DOCK2: variants seen among roughly 807,000 people sequenced by gnomAD.
The protein encoded by DOCK2 is dedicator of cytokinesis protein 2.
Under a neutral mutation model 248.9 loss-of-function variants are expected in DOCK2, and 87 were observed. That is an observed-to-expected ratio of 0.35 (90% confidence interval 0.29 to 0.42). The LOEUF is 0.42. Among genes scored for constraint, DOCK2 ranks in the 10% least tolerant of loss-of-function variants. The probability of loss-of-function intolerance (pLI) is 1.00; values close to 1 mark genes in which losing one functional copy is unlikely to be tolerated. For missense variants in DOCK2, 1,747 were observed against 2,300.2 expected, an observed-to-expected ratio of 0.76 and a Z score of 4.92; for synonymous variants, 805 against 821.6, an observed-to-expected ratio of 0.98 and a Z score of 0.35.
intron 27 of DOCK2, among the ~76,000 whole-genome samples, chr5:169,845,394 C>G (rs1285932364): frequency 6.6e-6 from 1 of 152,016 alleles, no homozygotes; most frequent in Non-Finnish European, 1.5e-5. Flanking sequence ...TAGGCTCTCC[C>G]CACATTTAGT....
At chr5:169,960,731 G>A (rs530719093) in intron 27 of DOCK2, among the ~76,000 whole-genome samples, 2 of 152,108 alleles carry the variant, frequency 1.3e-5, no homozygotes, top group Non-Finnish European at 2.9e-5. Context: ...TTTGTTACTT[G>A]CAGTTAATTG....
chr5:169,689,722 T>A (rs576690276), intron 9 of DOCK2, among the ~76,000 whole-genome samples: 1 of 152,302 alleles, frequency 6.6e-6, no homozygotes, highest in African/African-American at 2.4e-5. Context: ...TTCTGAAAAA[T>A]CTTTCTAAAA....
chr5:169,980,168 T>A (rs1418425672), intron 27 of DOCK2: 1 of 152,098 alleles, frequency 6.6e-6, no homozygotes, highest in Non-Finnish European at 1.5e-5. Context: ...CCAGTCTCAC[T>A]GTTGATTTAA....
At position 170,036,607 on chromosome 5, in the gene DOCK2, A is replaced by G. The variant is rs190209759; in HGVS notation, c.3665+52A>G. On this transcript the variant is annotated intron_variant, in intron 36 of 51. Coordinates refer to ENST00000520908, the MANE Select transcript of DOCK2 (RefSeq NM_004946.3). ...GACCTGCTGTGTCACTTTCCTGCTC[A>G]GTATCCATCGATGGCTCCCTGCTGC... The G allele has an allele frequency of 1.4e-3, 2,206 of 1,576,004 alleles. 26 individuals are homozygous for G. The highest frequency in any genetic ancestry group is 1.9e-4 in the Non-Finnish European group (221 of 1,151,884).
At chr5:169,828,774 C>T (rs1769038120) in intron 26 of DOCK2, among the ~76,000 whole-genome samples, 1 of 152,184 alleles carries the variant, frequency 6.6e-6, no homozygotes, top group Non-Finnish European at 1.5e-5. Context: ...AGAATCTCTC[C>T]TTTCTCTCTG....
intron 9 of DOCK2, among the ~76,000 whole-genome samples, chr5:169,692,219 G>A (rs1760346453): frequency 6.6e-6 from 1 of 152,142 alleles, no homozygotes; most frequent in Non-Finnish European, 1.5e-5. Context: ...CATATACTAC[G>A]AGGTTCCCTA....
chr5:170,053,139 C>G (rs1254369715), intron 41 of DOCK2, among the ~76,000 whole-genome samples: 1 of 152,254 alleles, frequency 6.6e-6, no homozygotes, highest in African/African-American at 2.4e-5. Flanking sequence ...GCATAACAAC[C>G]TCACCAGCCA....
intron 22 of DOCK2, among the ~76,000 whole-genome samples, chr5:169,722,957 G>A (rs564948544): frequency 2.6e-5 from 4 of 152,180 alleles, no homozygotes; most frequent in African/African-American, 4.8e-5. Flanking sequence ...AGGAATTCAC[G>A]CTGGTCTACT....
chr5:169,785,770 A>G (rs1322680690), intron 25 of DOCK2, among the ~76,000 whole-genome samples: 1 of 151,958 alleles, frequency 6.6e-6, no homozygotes, highest in Non-Finnish European at 1.5e-5. Context: ...GCCACACACA[A>G]CTCATTCATG....
rs953911576 is a variant in DOCK2, at chr5:170,047,539, C to T, written c.3996C>T (p.Ile1332=). 1 of 1,613,748 alleles carries T rather than the reference C, an allele frequency of 6.2e-7. No homozygotes were observed. The highest frequency in any genetic ancestry group is 1.3e-5 in the African/African-American group (1 of 75,034). The change falls in exon 40 of 52, where the codon ATC becomes ATT. Residue 1332 remains isoleucine (I), a synonymous_variant. Coordinates refer to ENST00000520908, the MANE Select transcript of DOCK2 (RefSeq NM_004946.3). ...LIQQAKFYES[I]MKILRPKPDY... ...AGCAGGCAAAATTCTATGAAAGCATCATGAAAATCCTCAGGCCCAAACCAG... is the reference window on the plus strand; with the variant it reads ...AGCAGGCAAAATTCTATGAAAGCATTATGAAAATCCTCAGGCCCAAACCAG...
intron 42 of DOCK2, 79 bp from the exon 43 acceptor site, chr5:170,056,605 C>T (rs1353906968): frequency 1.6e-6 from 2 of 1,228,944 alleles, no homozygotes; most frequent in Middle Eastern, 2.1e-4. Flanking sequence ...AATGAACCTC[C>T]CTGGACAGTG....
intron 1 of DOCK2, among the ~76,000 whole-genome samples, chr5:169,638,328 G>A (rs559587323): frequency 6.6e-6 from 1 of 152,222 alleles, no homozygotes; most frequent in East Asian, 1.9e-4. Flanking sequence ...TGGGTACCGG[G>A]CACTGTGGGG....
At chr5:169,926,254 C>T (rs556958762) in intron 27 of DOCK2, among the ~76,000 whole-genome samples, 17 of 152,330 alleles carry the variant, frequency 1.1e-4, no homozygotes, top group Non-Finnish European at 1.9e-4. Context: ...GATTGTCTCT[C>T]ACCTGCCACC....
chr5:170,062,531 T>A (rs1354074429), intron 44 of DOCK2, among the ~76,000 whole-genome samples: 1 of 152,126 alleles, frequency 6.6e-6, no homozygotes, highest in Non-Finnish European at 1.5e-5. Flanking sequence ...CCAGTACTCA[T>A]CTTCTCTCCC....
chr5:169,909,901 T>A lies in DOCK2; in HGVS notation c.2799+69049T>A, dbSNP rs529040643. On this transcript the variant is annotated intron_variant, in intron 27 of 51. Transcript: ENST00000520908. ...CACTGAGTTGTTTACTTGGGGCTAA[T>A]CCTCTCTTTTCTTCTCAGTCCCACA... 1.2e-4 allele frequency among the ~76,000 whole-genome samples: 19 copies of A among 152,320 alleles called. No individual in the cohort carries two copies. In the East Asian group the frequency reaches 3.7e-3, roughly 29 times the overall value.
intron 13 of DOCK2, among the ~76,000 whole-genome samples, 181 bp downstream of exon 13, chr5:169,700,320 A>G (rs1453711412): frequency 6.6e-6 from 1 of 152,366 alleles, no homozygotes; most frequent in African/African-American, 2.4e-5. Context: ...CATTAACAAA[A>G]TAGACACAAG....
At chr5:169,659,110 C>A (rs1758303272) in intron 2 of DOCK2, among the ~76,000 whole-genome samples, 1 of 151,538 alleles carries the variant, frequency 6.6e-6, no homozygotes, top group African/African-American at 2.4e-5. Flanking sequence ...CCTCAGCCTT[C>A]CAAGTACCTG....
chr5:169,674,509 C>T, intron 6 of DOCK2, 64 bp downstream of exon 6: 1 of 1,580,264 alleles, frequency 6.3e-7, no homozygotes, highest in Non-Finnish European at 8.6e-7. Context: ...TTCCCTCTCT[C>T]CCCAGAAGCT....
chr5:169,701,126 C>T (rs1760945744), intron 13 of DOCK2, among the ~76,000 whole-genome samples: 1 of 152,206 alleles, frequency 6.6e-6, no homozygotes, highest in Non-Finnish European at 1.5e-5. Context: ...CCAATTCACT[C>T]TGTCTTGCTT....
Sources: gnomAD v4.1 joint callset for allele counts (sites outside exome capture counted in the v4.1 genomes callset) on GRCh38, gnomAD v4.1.1 for gene constraint, MANE v1.5 for transcripts, NCBI Gene and HGNC (gene_info 2026-07-23, HGNC 2026-07-21) for gene names.